ASTN2: variants seen among roughly 807,000 people sequenced by gnomAD.
ASTN2 encodes the protein astrotactin-2.
ASTN2 carries 54 observed loss-of-function variants against 139.8 expected under a neutral mutation model. The observed-to-expected ratio is 0.39, with a 90% confidence interval of 0.31 to 0.48. The LOEUF (loss-of-function observed/expected upper bound fraction) is 0.48. Among genes scored for constraint, ASTN2 ranks in the 20% least tolerant of loss-of-function variants. The pLI is 0.95. For missense variants in ASTN2, 1,565 were observed against 1,725.1 expected, an observed-to-expected ratio of 0.91 and a Z score of 1.64; for synonymous variants, 756 against 719.5, an observed-to-expected ratio of 1.05 and a Z score of -0.81.
chr9:116,761,820 T>C (rs573749140), intron 13 of ASTN2, among the ~76,000 whole-genome samples: 10 of 152,136 alleles, frequency 6.6e-5, no homozygotes, highest in African/African-American at 9.7e-5. Context: ...GAGACCTGCA[T>C]GTTAGACGAT....
intron 16 of ASTN2, among the ~76,000 whole-genome samples, chr9:116,722,894 T>G (rs10983323): frequency 0.48 from 73,475 of 152,028 alleles, 18,172 homozygotes; most frequent in Admixed American, 0.6. Context: ...GGCTGGGCGC[T>G]GTGGCTTACG....
At chr9:116,960,384 C>A (rs1207824568) in intron 10 of ASTN2, among the ~76,000 whole-genome samples, 1 of 152,122 alleles carries the variant, frequency 6.6e-6, no homozygotes, top group Non-Finnish European at 1.5e-5. Flanking sequence ...GGCTTAATAA[C>A]CTGCACTATA....
intron 16 of ASTN2, among the ~76,000 whole-genome samples, chr9:116,703,770 G>A (rs992732585): frequency 6.6e-6 from 1 of 151,742 alleles, no homozygotes; most frequent in African/African-American, 2.4e-5. Context: ...TCTGTAGGAG[G>A]GAAGTGGAAG....
At chr9:117,171,012 C>T (rs1830779586) in intron 3 of ASTN2, among the ~76,000 whole-genome samples, 1 of 152,098 alleles carries the variant, frequency 6.6e-6, no homozygotes, top group Non-Finnish European at 1.5e-5. Context: ...GGAACCGCAT[C>T]ATTACCACCA....
chr9:117,177,946 G>C (rs16934366), intron 3 of ASTN2, among the ~76,000 whole-genome samples: 5,811 of 152,136 alleles, frequency 0.038, 180 homozygotes, highest in South Asian at 0.095. Context: ...GAGAATCCCA[G>C]CTCTTTACCA....
intron 19 of ASTN2, among the ~76,000 whole-genome samples, chr9:116,501,235 G>A (rs1018071369): frequency 7.2e-5 from 11 of 152,202 alleles, no homozygotes; most frequent in Admixed American, 4.6e-4. Context: ...TTGTTCTTGC[G>A]ATAGTTTACT....
At chr9:116,477,411 A>T (rs1849017062) in intron 20 of ASTN2, among the ~76,000 whole-genome samples, 1 of 151,954 alleles carries the variant, frequency 6.6e-6, no homozygotes, top group Non-Finnish European at 1.5e-5. Flanking sequence ...CACCACAGCC[A>T]AGGGAAGTTC....
chr9:117,284,840 A>G (rs1271772240), intron 2 of ASTN2, among the ~76,000 whole-genome samples: 3 of 152,202 alleles, frequency 2.0e-5, no homozygotes, highest in African/African-American at 7.2e-5. Flanking sequence ...CTCAAATCCC[A>G]CTACTACCAA....
At chr9:116,702,769 T>A (rs2132082899) in intron 16 of ASTN2, among the ~76,000 whole-genome samples, 1 of 152,294 alleles carries the variant, frequency 6.6e-6, no homozygotes, top group South Asian at 2.1e-4. Flanking sequence ...CCCTTTATCA[T>A]TCTGAGTGGT....
chr9:116,906,582 T>A (rs1834168285), intron 10 of ASTN2, among the ~76,000 whole-genome samples: 1 of 152,222 alleles, frequency 6.6e-6, no homozygotes, highest in Non-Finnish European at 1.5e-5. Context: ...TCTAGTCTAA[T>A]CTTTTAAAGT....
At chr9:117,411,446 C>CAAAAAAAAAAAAAAAAAAAAAAAAAAA in intron 1 of ASTN2, among the ~76,000 whole-genome samples, 1 of 43,224 alleles carries the variant, frequency 2.3e-5, no homozygotes, top group Non-Finnish European at 4.6e-5. Flanking sequence ...AAAGGATCTG[C>CAAAAAAAAAAAAAAAAAAAAAAAAAAA]AAAAAAAAAA....
chr9:117,198,711 C>T (rs1831596955), intron 3 of ASTN2, among the ~76,000 whole-genome samples: 1 of 152,154 alleles, frequency 6.6e-6, no homozygotes. Context: ...GAGGAATTGC[C>T]ATCCTGTCTT....
At chr9:117,125,883 A>G (rs1829677447) in intron 4 of ASTN2, among the ~76,000 whole-genome samples, 2 of 152,104 alleles carry the variant, frequency 1.3e-5, no homozygotes, top group Non-Finnish European at 2.9e-5. Context: ...TTGTGTTTTC[A>G]ATTGGATGTA....
At chr9:116,650,561 G>C (rs1857850530) in intron 17 of ASTN2, among the ~76,000 whole-genome samples, 1 of 152,152 alleles carries the variant, frequency 6.6e-6, no homozygotes. Context: ...CCAAATGTCA[G>C]CAATTTCATA....
intron 7 of ASTN2, among the ~76,000 whole-genome samples, chr9:116,983,456 C>G (rs1003360192): frequency 7.9e-5 from 12 of 152,258 alleles, no homozygotes; most frequent in East Asian, 1.9e-4. Flanking sequence ...GTCAGTTGCC[C>G]TAGGTCATAG....
At chr9:117,166,703 T>A (rs1231010289) in intron 3 of ASTN2, among the ~76,000 whole-genome samples, 1 of 152,132 alleles carries the variant, frequency 6.6e-6, no homozygotes, top group Non-Finnish European at 1.5e-5. Context: ...TTCCTGACCC[T>A]CTGCAGTAAG....
chr9:116,797,413 T>C (rs960115973), intron 13 of ASTN2, among the ~76,000 whole-genome samples: 2 of 152,066 alleles, frequency 1.3e-5, no homozygotes, highest in Non-Finnish European at 2.9e-5. Context: ...GGTTTTTTTT[T>C]CTGCAACCAG....
At chr9:116,742,814 A>G (rs1423619619) in intron 13 of ASTN2, among the ~76,000 whole-genome samples, 7 of 152,226 alleles carry the variant, frequency 4.6e-5, no homozygotes, top group African/African-American at 1.7e-4. Context: ...ACTTCTTGGC[A>G]TAACTCCTTC....
At chr9:117,227,511 G>T in intron 2 of ASTN2, among the ~76,000 whole-genome samples, 1 of 152,150 alleles carries the variant, frequency 6.6e-6, no homozygotes, top group East Asian at 1.9e-4. Flanking sequence ...TTACTGGATG[G>T]ATGAATACAT....
Sources: allele counts gnomAD v4.1 joint callset (sites outside exome capture counted in the v4.1 genomes callset), GRCh38; gene constraint gnomAD v4.1.1; transcripts MANE v1.5; gene names NCBI Gene and HGNC (gene_info 2026-07-23, HGNC 2026-07-21).